CDC14B: variants seen among roughly 807,000 people sequenced by gnomAD.
CDC14B encodes the protein cell division cycle 14B.
In CDC14B, 22 loss-of-function variants were observed where a neutral mutation model predicts 64.2. The ratio of observed to expected loss-of-function variants is 0.34; its 90% confidence interval spans 0.24 to 0.49. The LOEUF is 0.49. Ranked by LOEUF, CDC14B falls within the 20% of genes least tolerant of loss-of-function variation. The probability of loss-of-function intolerance (pLI) is 0.99; values close to 1 mark genes in which losing one functional copy is unlikely to be tolerated. For synonymous variants in CDC14B, 191 were observed against 215.8 expected (o/e 0.89, Z 1.01); for missense variants, 498 against 629.9 (o/e 0.79, Z 2.24).
chr9:96,501,421 A>G lies in CDC14B; in HGVS notation c.*2332T>C, dbSNP rs950509090. 1.3e-5 allele frequency: 2 copies of G among 152,186 alleles called. No homozygotes were observed. The highest frequency in any genetic ancestry group is 2.4e-5 in the African/African-American group (1 of 41,440). 9.4% of individuals were successfully genotyped at this position (152,186 alleles called of 1,614,324 possible). Reference sequence around the variant, plus strand: ...CGACTCTAAGTCAGAATTCCAGAAGATTCTGGTTGTTTGTGGTTTCAGTTG... The same window carrying G: ...CGACTCTAAGTCAGAATTCCAGAAGGTTCTGGTTGTTTGTGGTTTCAGTTG... On this transcript the variant is annotated 3_prime_UTR_variant, in exon 14 of 14. Transcript: ENST00000375241.
At chr9:96,593,003 T>C (rs1845872105) in intron 1 of CDC14B, among the ~76,000 whole-genome samples, 1 of 152,150 alleles carries the variant, frequency 6.6e-6, no homozygotes, top group Admixed American at 6.5e-5. Flanking sequence ...CAAAGTTAAA[T>C]AAAATTAAAA....
At position 96,588,098 on chromosome 9, in the gene CDC14B, G is replaced by T. The variant is rs16911358; in HGVS notation, c.161-22615C>A. Among the ~76,000 whole-genome samples, 1,067 of 152,108 alleles carry T rather than the reference G, an allele frequency of 7.0e-3. 18 individuals carry two copies. Among genetic ancestry groups the T allele is most frequent in the African/African-American group, 0.024 (989 of 41,460 alleles). On this transcript the variant is annotated intron_variant, in intron 1 of 13. Coordinates refer to ENST00000375241, the MANE Select transcript of CDC14B (RefSeq NM_033331.4). The stretch of plus-strand genomic sequence containing the variant: ...TTCCCTTCAAAGCTTTGCTTCTTGT[G>T]GGGGCTGCAATACTACAGAAGAAAC...
chr9:96,583,782 G>A (rs150620112), intron 1 of CDC14B, among the ~76,000 whole-genome samples: 8,816 of 151,782 alleles, frequency 0.058, 858 homozygotes, highest in African/African-American at 0.2. Flanking sequence ...GCAGTGGCGC[G>A]ATCTAGGCTC....
intron 1 of CDC14B, among the ~76,000 whole-genome samples, chr9:96,595,981 TA>T (rs1229658485): frequency 3.3e-5 from 5 of 152,176 alleles, no homozygotes; most frequent in African/African-American, 1.2e-4. Context: ...ATATAAAATA[TA>T]ACTTTCAACA....
rs770962688 is a variant in CDC14B, at chr9:96,523,581, A to G, written c.1085+6T>C. On this transcript the variant is annotated splice_donor_region_variant and intron_variant, in intron 10 of 13. Transcript: ENST00000375241. ...CTGGGAACTACAGACGTAGGCTACT[A>G]CTTACATCACCAAAAACTGCTGCTG... The G allele has an allele frequency of 3.7e-6, 6 of 1,614,116 alleles. No homozygotes were observed. Among genetic ancestry groups the G allele is most frequent in the South Asian group, 1.1e-5 (1 of 91,070 alleles).
intron 1 of CDC14B, chr9:96,567,012 A>G: frequency 7.2e-7 from 1 of 1,385,724 alleles, no homozygotes; most frequent in Non-Finnish European, 9.4e-7. Context: ...AGTCCTGGAA[A>G]AAGCCCCGCG....
At chr9:96,581,667 G>A (rs1800915617) in intron 1 of CDC14B, among the ~76,000 whole-genome samples, 1 of 151,986 alleles carries the variant, frequency 6.6e-6, no homozygotes, top group South Asian at 2.1e-4. Flanking sequence ...GTATTAGGTG[G>A]GTTTGAACGT....
chr9:96,525,092 C>T (rs1192848110), intron 9 of CDC14B, among the ~76,000 whole-genome samples: 3 of 152,066 alleles, frequency 2.0e-5, no homozygotes, highest in Admixed American at 6.6e-5. Flanking sequence ...TGTTAAGCAA[C>T]AGGGAATCAG....
downstream of CDC14B, chr9:96,496,096 C>A (rs891787695): frequency 3.5e-4 from 124 of 354,344 alleles, no homozygotes; most frequent in Admixed American, 1.3e-3. Context: ...TCCTACCATC[C>A]CAGGGTGGGT....
At chr9:96,597,657 A>T (rs1445140751) in intron 1 of CDC14B, among the ~76,000 whole-genome samples, 1 of 131,722 alleles carries the variant, frequency 7.6e-6, no homozygotes, top group African/African-American at 2.9e-5. Flanking sequence ...AGAGTTTATC[A>T]CTAGCAGATC....
chr9:96,495,393 C>CG (rs1360671199), downstream of CDC14B, among the ~76,000 whole-genome samples: 1 of 138,278 alleles, frequency 7.2e-6, no homozygotes, highest in Non-Finnish European at 1.6e-5. Flanking sequence ...TGTGTGCTGC[C>CG]CCCCCCCGCC....
At chr9:96,513,203 G>C (rs1444531109) in intron 12 of CDC14B, among the ~76,000 whole-genome samples, 1 of 152,204 alleles carries the variant, frequency 6.6e-6, no homozygotes, top group East Asian at 1.9e-4. Context: ...CCAAGAGAAT[G>C]ATAGAACTTG....
At chr9:96,530,369 T>C (rs919055214) in intron 9 of CDC14B, among the ~76,000 whole-genome samples, 11 of 151,332 alleles carry the variant, frequency 7.3e-5, no homozygotes, top group African/African-American at 2.4e-4. Context: ...CTCAGCTCAC[T>C]GCAACCTCCA....
chr9:96,618,722 G>A (rs1459777742), intron 1 of CDC14B: 1 of 412,394 alleles, frequency 2.4e-6, no homozygotes, highest in Non-Finnish European at 4.7e-6. Flanking sequence ...AGGGTCCCAA[G>A]GCTACGGAGC....
At chr9:96,595,525 T>C (rs543899659) in intron 1 of CDC14B, among the ~76,000 whole-genome samples, 1 of 152,320 alleles carries the variant, frequency 6.6e-6, no homozygotes, top group African/African-American at 2.4e-5. Context: ...ACGTGAATGT[T>C]CTTAACAGCA....
At chr9:96,607,925 C>T (rs1251850517) in intron 1 of CDC14B, among the ~76,000 whole-genome samples, 3 of 152,204 alleles carry the variant, frequency 2.0e-5, no homozygotes, top group African/African-American at 2.4e-5. Context: ...TGATCCAGAA[C>T]AGTTCCTGCT....
chr9:96,602,149 A>G (rs1428423672), intron 1 of CDC14B, among the ~76,000 whole-genome samples: 1 of 152,226 alleles, frequency 6.6e-6, no homozygotes, highest in Non-Finnish European at 1.5e-5. Flanking sequence ...GGCCTGTTGG[A>G]TGGAACCATT....
intron 12 of CDC14B, among the ~76,000 whole-genome samples, chr9:96,518,917 A>G (rs1034445354): frequency 1.3e-5 from 2 of 152,132 alleles, no homozygotes; most frequent in South Asian, 4.1e-4. Flanking sequence ...TGGGCAGATC[A>G]CGAGGTCAGG....
chr9:96,580,296 A>G (rs996028834), intron 1 of CDC14B, among the ~76,000 whole-genome samples: 1 of 151,558 alleles, frequency 6.6e-6, no homozygotes, highest in Non-Finnish European at 1.5e-5. Flanking sequence ...CAATGGCCCA[A>G]TCTCAGCTCA....
Sources: gnomAD v4.1 joint callset for allele counts (sites outside exome capture counted in the v4.1 genomes callset) on GRCh38, gnomAD v4.1.1 for gene constraint, MANE v1.5 for transcripts, NCBI Gene and HGNC (gene_info 2026-07-23, HGNC 2026-07-21) for gene names.